Variants in XKR3 observed in about 807,000 individuals in gnomAD.
The protein encoded by XKR3 is XK-related protein 3.
Under a neutral mutation model 40.3 loss-of-function variants are expected in XKR3, and 27 were observed. The observed-to-expected ratio is 0.67, with a 90% CI of 0.49 to 0.92. The LOEUF (loss-of-function observed/expected upper bound fraction) is 0.92, where lower values mean the gene tolerates loss of function less well. Ranked by LOEUF, XKR3 falls within the 40% of genes least tolerant of loss-of-function variation. XKR3 has a pLI of 0.00. For missense variants in XKR3, 472 were observed against 537.6 expected (o/e 0.88, Z 1.21); for synonymous variants, 193 against 195.4 (o/e 0.99, Z 0.10).
At chr22:16,794,622 G>A (rs1379064494) in intron 3 of XKR3, among the ~76,000 whole-genome samples, 57 of 152,254 alleles carry the variant, frequency 3.7e-4, no homozygotes, top group East Asian at 9.7e-4. Flanking sequence ...ACACTTAAGC[G>A]CAAGCCCACA....
At position 16,787,970 on chromosome 22, in the gene XKR3, T is replaced by C. The variant is rs5746895; in HGVS notation, c.590-3561A>G. On this transcript the variant is annotated intron_variant, in intron 3 of 3. Coordinates refer to ENST00000684488, the MANE Select transcript of XKR3 (RefSeq NM_001386955.1). ...TCAGTAAGTAAACATCAGATTAAAA[T>C]GCACTGTAGGGCAAATGGACAAAAC... is the stretch of plus-strand genomic sequence containing the variant. 4.3e-4 allele frequency among the ~76,000 whole-genome samples: 66 copies of C among 152,314 alleles called. No individual in the cohort carries two copies. In the East Asian group the frequency reaches 0.012, roughly 27 times the overall value.
intron 3 of XKR3, among the ~76,000 whole-genome samples, chr22:16,796,929 A>T (rs1234177672): frequency 6.6e-6 from 1 of 152,232 alleles, no homozygotes; most frequent in Admixed American, 6.5e-5. Context: ...TACACTTAAA[A>T]GCTGCAGTAG....
chr22:16,822,662 C>G (rs183123590), intron 1 of XKR3, among the ~76,000 whole-genome samples: 1 of 152,218 alleles, frequency 6.6e-6, no homozygotes, highest in Admixed American at 6.5e-5. Context: ...GCTGGAATGG[C>G]TATATTAATA....
At chr22:16,801,559 A>C (rs2060168981) in intron 2 of XKR3, among the ~76,000 whole-genome samples, 1 of 152,174 alleles carries the variant, frequency 6.6e-6, no homozygotes, top group Non-Finnish European at 1.5e-5. Context: ...TAAATATATA[A>C]GTAAGTGTAA....
At chr22:16,806,119 C>T (rs2060188202) in intron 2 of XKR3, among the ~76,000 whole-genome samples, 1 of 152,040 alleles carries the variant, frequency 6.6e-6, no homozygotes, top group African/African-American at 2.4e-5. Flanking sequence ...GTCAGTTGAG[C>T]ATGGTTGTGG....
At chr22:16,790,932 G>T (rs1278950296) in intron 3 of XKR3, among the ~76,000 whole-genome samples, 2 of 150,296 alleles carry the variant, frequency 1.3e-5, no homozygotes, top group African/African-American at 4.9e-5. Flanking sequence ...GAAAACTCTT[G>T]CACATTATGG....
At chr22:16,806,106 A>G (rs1433019407) in intron 2 of XKR3, among the ~76,000 whole-genome samples, 2 of 152,110 alleles carry the variant, frequency 1.3e-5, no homozygotes, top group Non-Finnish European at 2.9e-5. Flanking sequence ...TAAAAGTATA[A>G]AAGTCAGTTG....
intron 3 of XKR3, among the ~76,000 whole-genome samples, chr22:16,794,950 T>C (rs1308204922): frequency 1.3e-5 from 2 of 152,112 alleles, no homozygotes; most frequent in Non-Finnish European, 2.9e-5. Context: ...TCAAACACTG[T>C]CCTAAATACA....
At chr22:16,793,258 C>T (rs1601841314) in intron 3 of XKR3, among the ~76,000 whole-genome samples, 2 of 152,266 alleles carry the variant, frequency 1.3e-5, no homozygotes, top group South Asian at 2.1e-4. Flanking sequence ...GTGATCTGTC[C>T]GCCTCGGCCT....
chr22:16,820,366 A>C (rs2060250474), intron 1 of XKR3, among the ~76,000 whole-genome samples: 1 of 152,204 alleles, frequency 6.6e-6, no homozygotes, highest in South Asian at 2.1e-4. Context: ...AAACTGAGTG[A>C]GGAGTCTTGG....
At chr22:16,795,463 C>G (rs1238626381) in intron 3 of XKR3, among the ~76,000 whole-genome samples, 1 of 152,008 alleles carries the variant, frequency 6.6e-6, no homozygotes, top group Non-Finnish European at 1.5e-5. Context: ...AGAAAAATCT[C>G]AAATTAACAA....
chr22:16,783,790 C>T lies in XKR3; in HGVS notation c.1209G>A (p.Trp403Ter). ...GTCCTGGCAACACTTTGCCTGACTG[C>T]CATGGGTACAAATACTGATAGAAGA... ...MLLFYQYLYP[W>*]QSGKVLPGRT... Residue 403 changes from tryptophan (W) to a stop codon, truncating the protein, a stop_gained, in exon 4 of 4, where the codon TGG (tryptophan) becomes TGA (stop). Transcript: ENST00000684488. LOFTEE classifies it high-confidence loss of function. The T allele has an allele frequency of 6.2e-7, 1 of 1,614,120 alleles. No individual in the cohort carries two copies. Among genetic ancestry groups the T allele is most frequent in the Admixed American group, 1.7e-5 (1 of 60,022 alleles).
intron 1 of XKR3, among the ~76,000 whole-genome samples, chr22:16,809,835 T>G (rs139477619): frequency 4.3e-4 from 66 of 152,216 alleles, no homozygotes; most frequent in Non-Finnish European, 8.8e-4. Flanking sequence ...AAGGACTCAC[T>G]GCAGCCTCAA....
Position 16,799,848 on chromosome 22 carries a change from G to A in XKR3, c.512C>T (p.Ala171Val). The A allele has an allele frequency of 2.5e-6, 4 of 1,614,102 alleles. No individual in the cohort carries two copies. Among genetic ancestry groups the A allele is most frequent in the Non-Finnish European group, 3.4e-6 (4 of 1,180,010 alleles). Residue 171 changes from alanine to valine, a missense_variant, in exon 3 of 4, where the codon GCT becomes GTT. Physicochemically the swap from Ala to Val is moderately conservative, Grantham distance 64. Coordinates refer to ENST00000684488, the MANE Select transcript of XKR3 (RefSeq NM_001386955.1). ...KAFKYMSVIQ[A>V]FLGSVPQLIL... ...TAATTGTGGAACAGAACCGAGAAAA[G>A]CCTGAATCACTGACATGTACTTGAA...
intron 2 of XKR3, among the ~76,000 whole-genome samples, chr22:16,801,860 T>A (rs1317504356): frequency 6.6e-6 from 1 of 152,134 alleles, no homozygotes; most frequent in Non-Finnish European, 1.5e-5. Context: ...CCCAATAACT[T>A]GCAAAAATGA....
At chr22:16,799,459 T>C (rs904080685) in intron 3 of XKR3, among the ~76,000 whole-genome samples, 2 of 117,808 alleles carry the variant, frequency 1.7e-5, no homozygotes, top group African/African-American at 3.3e-5. Flanking sequence ...ACAAGGTAGA[T>C]TATAACAAAA....
chr22:16,809,414 A>C (rs1336148436), intron 1 of XKR3, among the ~76,000 whole-genome samples: 1 of 152,124 alleles, frequency 6.6e-6, no homozygotes, highest in East Asian at 1.9e-4. Context: ...CATATTTTAC[A>C]ATTCAAAACA....
chr22:16,824,652 A>G (rs1320330502), intron 1 of XKR3, among the ~76,000 whole-genome samples: 1 of 152,158 alleles, frequency 6.6e-6, no homozygotes, highest in African/African-American at 2.4e-5. Context: ...AATACATCCA[A>G]CATTATAAGA....
intron 2 of XKR3, 53 bp from the exon 3 acceptor site, chr22:16,800,077 A>G (rs1263871827): frequency 4.7e-5 from 74 of 1,570,620 alleles, no homozygotes; most frequent in Non-Finnish European, 5.5e-5. Flanking sequence ...ACAGACATCT[A>G]GAAATATTTG....
Sources: gnomAD v4.1 joint callset for allele counts (sites outside exome capture counted in the v4.1 genomes callset) on GRCh38, gnomAD v4.1.1 for gene constraint, MANE v1.5 for transcripts, NCBI Gene and HGNC (gene_info 2026-07-23, HGNC 2026-07-21) for gene names.